The following THOC2 variants were observed in gnomAD, a reference collection of about 807,000 sequenced individuals.
The protein encoded by THOC2 is THO complex 2.
Under a neutral mutation model 128.4 loss-of-function variants are expected in THOC2, and 10 were observed. The observed-to-expected ratio is 0.08, with a 90% CI of 0.05 to 0.13. THOC2 has a LOEUF of 0.13. THOC2 is among the 10% of genes least tolerant of loss of function. The pLI is 1.00. For missense variants in THOC2, 535 were observed against 1,155.7 expected (o/e 0.46, Z 7.79); for synonymous variants, 393 against 396.9 (o/e 0.99, Z 0.12).
At chrX:123,710,818 C>G (rs369320804) in intron 2 of THOC2, among the ~76,000 whole-genome samples, 1 of 107,238 alleles carries the variant, frequency 9.3e-6, no homozygotes, top group South Asian at 4.3e-4. Flanking sequence ...GGTGAAACCC[C>G]GTCTCTACTA....
intron 12 of THOC2, among the ~76,000 whole-genome samples, chrX:123,647,840 C>CAAAAA (rs60123342): frequency 1.1e-4 from 4 of 37,514 alleles, no homozygotes; most frequent in Admixed American, 4.3e-4. Flanking sequence ...GACTCTGTCT[C>CAAAAA]AAAAAAAAAA....
chrX:123,707,060 T>C (rs1005689264), intron 2 of THOC2, 111 bp from the exon 3 acceptor site: 6 of 333,736 alleles, frequency 1.8e-5, no homozygotes, highest in Non-Finnish European at 3.0e-5. Flanking sequence ...ATGAAAAATA[T>C]AATTCTAATG....
chrX:123,636,275 T>C, intron 18 of THOC2, 100 bp from the exon 19 acceptor site: 2 of 578,809 alleles, frequency 3.5e-6, no homozygotes, highest in Non-Finnish European at 5.5e-6. Flanking sequence ...GCAATAATTG[T>C]ATTGCTGATG....
At chrX:123,674,918 T>C (rs969498620) in intron 8 of THOC2, among the ~76,000 whole-genome samples, 1 of 111,441 alleles carries the variant, frequency 9.0e-6, no homozygotes, top group African/African-American at 3.3e-5. Flanking sequence ...ATGGGATGAA[T>C]TGTACCCCAA....
At chrX:123,721,057 G>A (rs1311047263) in intron 1 of THOC2, among the ~76,000 whole-genome samples, 2 of 111,621 alleles carry the variant, frequency 1.8e-5, no homozygotes, top group African/African-American at 6.5e-5. Context: ...TAGATTTCAT[G>A]TTAGGTGTTT....
intron 7 of THOC2, among the ~76,000 whole-genome samples, chrX:123,693,361 G>A (rs904341961): frequency 1.8e-5 from 2 of 111,814 alleles, no homozygotes; most frequent in African/African-American, 6.5e-5. Flanking sequence ...AGCTACTCGG[G>A]AGGCTGAGGC....
chrX:123,712,184 C>T (rs937978122), intron 2 of THOC2, among the ~76,000 whole-genome samples: 1 of 109,952 alleles, frequency 9.1e-6, no homozygotes, highest in Non-Finnish European at 1.9e-5. Context: ...TGGGTTTTAC[C>T]CCCAACAATA....
chrX:123,621,408 G>A lies in THOC2; in HGVS notation c.3965C>T (p.Pro1322Leu), dbSNP rs1458661447. ...EKARETKERT[P>L]KSDKEKEKFK... is the part of the protein sequence containing the mutation. ...TTTTTCTTTCTCTTTGTCAGACTTC[G>A]GCGTTCTTTCCTTGGTCTCTCTTGC... The change falls in exon 31 of 39, where the codon CCG becomes CTG. Residue 1322 changes from proline (P) to leucine (L), a missense_variant. Transcript: ENST00000245838. 8.3e-7 allele frequency: 1 copy of A among 1,210,014 alleles called. No homozygotes were observed. Among genetic ancestry groups the A allele is most frequent in the Middle Eastern group, 2.3e-4 (1 of 4,343 alleles).
intron 22 of THOC2, 70 bp downstream of exon 22, chrX:123,631,618 A>T: frequency 9.2e-7 from 1 of 1,090,311 alleles, no homozygotes; most frequent in Non-Finnish European, 1.3e-6. Context: ...AGTGATATGT[A>T]CTTACAGATA....
At chrX:123,636,294 T>C (rs772227705) in intron 18 of THOC2, 119 bp from the exon 19 acceptor site, 23 of 495,378 alleles carry the variant, frequency 4.6e-5, no homozygotes, top group Non-Finnish European at 7.3e-5. Context: ...TGCTGTTGAA[T>C]GGAGCTTCAT....
At position 123,623,295 on chromosome X, in the gene THOC2, A is replaced by ACAAAGTGT. The variant is rs2047150962; in HGVS notation, c.3504-20_3504-13dup. 2 of 1,169,713 alleles carry ACAAAGTGT rather than the reference A, an allele frequency of 1.7e-6. No homozygotes were observed. Among genetic ancestry groups the ACAAAGTGT allele is most frequent in the African/African-American group, 3.6e-5 (2 of 55,548 alleles). On this transcript the variant is annotated splice_polypyrimidine_tract_variant and intron_variant, in intron 28 of 38. Transcript: ENST00000245838. ...ACTGCCCAGAGTAGCTGAAAGTCGC[A>ACAAAGTGT]CAAAGTGTTTAAATATACAAACACA... is the stretch of plus-strand genomic sequence containing the variant.
At chrX:123,651,519 T>C (rs2048355362) in intron 12 of THOC2, among the ~76,000 whole-genome samples, 1 of 111,228 alleles carries the variant, frequency 9.0e-6, no homozygotes, top group Non-Finnish European at 1.9e-5. Context: ...GAAGCTGGTT[T>C]TCTGAAAAGA....
rs184818433 is a variant in THOC2 at position 123,671,803 on chromosome X, G to A, written c.769-42C>T. 2.2e-4 allele frequency: 188 copies of A among 855,085 alleles called. No homozygotes were observed. In the African/African-American group the frequency reaches 3.4e-3, roughly 15 times the overall value. The allele number at this position is 855,085 out of a possible 1,213,427, so 70.5% of individuals were successfully genotyped here. A position where few individuals can be genotyped will look rare whatever the true frequency, so the allele number is the denominator to read the frequency against. ...AAAAGTTTCCATTTAGTGCAGAAAG[G>A]ACAATTAAAGCAATATCCTTCACCT... is the stretch of plus-strand genomic sequence containing the variant. On this transcript the variant is annotated intron_variant, in intron 8 of 38. Transcript: ENST00000245838.
At chrX:123,622,651 G>A (rs1427709920) in intron 30 of THOC2, 107 bp downstream of exon 30, 12 of 526,897 alleles carry the variant, frequency 2.3e-5, no homozygotes, top group South Asian at 1.2e-4. Context: ...CCAGAAGTTC[G>A]AGACCAGCCT....
chrX:123,685,129 C>T (rs1248862765), intron 8 of THOC2, among the ~76,000 whole-genome samples: 1 of 112,355 alleles, frequency 8.9e-6, no homozygotes, highest in East Asian at 2.8e-4. Flanking sequence ...ATAGATCACT[C>T]GTTTACAATT....
intron 1 of THOC2, among the ~76,000 whole-genome samples, chrX:123,718,959 A>G (rs941837632): frequency 3.6e-5 from 4 of 110,460 alleles, no homozygotes; most frequent in Non-Finnish European, 7.6e-5. Context: ...GCGGATCATG[A>G]GGTCAGGAAA....
chrX:123,664,486 A>G (rs1461971283), intron 12 of THOC2, among the ~76,000 whole-genome samples: 2 of 112,387 alleles, frequency 1.8e-5, no homozygotes, highest in Non-Finnish European at 3.8e-5. Context: ...CAGAATCTAC[A>G]AAGAACTCAA....
intron 1 of THOC2, among the ~76,000 whole-genome samples, chrX:123,719,051 G>A (rs920810826): frequency 1.8e-4 from 19 of 108,530 alleles, no homozygotes; most frequent in African/African-American, 5.4e-4. Flanking sequence ...GGTGGCGGGC[G>A]CCTGTAGTCC....
Position 123,697,747 on chromosome X carries a change from A to G in THOC2, c.279T>C (p.Ile93=), listed in dbSNP as rs372244752. The change falls in exon 5 of 39, where the codon ATT becomes ATC. Residue 93 remains isoleucine, a synonymous_variant. Transcript: ENST00000245838. ...ILADVFCILD[I]ETNCLEEKSK... The stretch of plus-strand genomic sequence containing the variant: ...TTTTTTCTTCTAAACAATTTGTCTC[A>G]ATGTCTATAATGATGAAGAAGAAAA... The G allele has an allele frequency of 5.6e-5, 56 of 993,125 alleles. No individual in the cohort carries two copies. The highest frequency in any genetic ancestry group is 7.5e-5 in the Non-Finnish European group (54 of 724,262). 81.8% of individuals were successfully genotyped at this position (993,125 alleles called of 1,213,427 possible). A position where few individuals can be genotyped will look rare whatever the true frequency, so the allele number is the denominator to read the frequency against.
Sources: gnomAD v4.1 joint callset for allele counts (sites outside exome capture counted in the v4.1 genomes callset) on GRCh38, gnomAD v4.1.1 for gene constraint, MANE v1.5 for transcripts, NCBI Gene and HGNC (gene_info 2026-07-23, HGNC 2026-07-21) for gene names.